The following TSPAN18 variants were observed in gnomAD, a reference collection of about 807,000 sequenced individuals.
The protein encoded by TSPAN18 is tetraspanin-18.
A neutral mutation model predicts 27.3 loss-of-function variants in TSPAN18; 14 were observed. That is an observed-to-expected ratio of 0.51 (90% CI 0.34 to 0.80). TSPAN18 has a LOEUF of 0.80. TSPAN18 is among the 30% of genes least tolerant of loss of function. The pLI is 0.01. For missense variants in TSPAN18, 268 were observed against 323.9 expected (o/e 0.83, Z 1.32); for synonymous variants, 143 against 136.5 (o/e 1.05, Z -0.33).
intron 6 of TSPAN18, 93 bp from the exon 7 acceptor site, chr11:44,919,121 C>T: frequency 9.6e-7 from 1 of 1,042,110 alleles, no homozygotes; most frequent in Non-Finnish European, 1.5e-6. Context: ...CTCTCATTCC[C>T]CCAACTCCCA....
intron 2 of TSPAN18, among the ~76,000 whole-genome samples, chr11:44,790,283 T>C (rs755398733): frequency 6.7e-6 from 1 of 148,664 alleles, no homozygotes; most frequent in Non-Finnish European, 1.5e-5. Context: ...GTGCATGTGT[T>C]CGTGTATGTG....
chr11:44,908,814 A>AAGGAAG (rs1554938130), intron 4 of TSPAN18, among the ~76,000 whole-genome samples: 6 of 114,778 alleles, frequency 5.2e-5, no homozygotes, highest in South Asian at 5.6e-4. Flanking sequence ...AAAGAAAGAA[A>AAGGAAG]GAAAGAAAGA....
intron 2 of TSPAN18, among the ~76,000 whole-genome samples, chr11:44,768,490 T>C (rs1855618961): frequency 6.7e-6 from 1 of 150,356 alleles, no homozygotes; most frequent in African/African-American, 2.4e-5. Flanking sequence ...TGTTCCAGGA[T>C]TTTTTTTTTG....
intron 2 of TSPAN18, among the ~76,000 whole-genome samples, chr11:44,824,124 G>A (rs7940207): frequency 0.05 from 7,650 of 152,264 alleles, 203 homozygotes; most frequent in African/African-American, 0.071. Context: ...AGGGTTTGGA[G>A]TTCAGGCCTT....
At chr11:44,876,779 T>C (rs1476886552) in intron 3 of TSPAN18, among the ~76,000 whole-genome samples, 1 of 152,270 alleles carries the variant, frequency 6.6e-6, no homozygotes, top group Non-Finnish European at 1.5e-5. Flanking sequence ...TCTTTGGTAC[T>C]GCTTCAGCTT....
intron 2 of TSPAN18, among the ~76,000 whole-genome samples, chr11:44,790,918 A>T (rs1397718486): frequency 6.6e-6 from 1 of 152,142 alleles, no homozygotes; most frequent in African/African-American, 2.4e-5. Flanking sequence ...CCTCTTGTGG[A>T]TCCCCTCAGG....
intron 2 of TSPAN18, among the ~76,000 whole-genome samples, chr11:44,818,058 T>G (rs1369933607): frequency 6.6e-6 from 1 of 152,226 alleles, no homozygotes; most frequent in Non-Finnish European, 1.5e-5. Context: ...AGTTCTGATT[T>G]TTTTCCATGT....
intron 3 of TSPAN18, among the ~76,000 whole-genome samples, chr11:44,864,257 A>G: frequency 7.3e-6 from 1 of 137,214 alleles, no homozygotes; most frequent in East Asian, 2.1e-4. Context: ...ACTGCACTCC[A>G]GCCTGGGTGA....
chr11:44,808,093 G>A (rs932014063), intron 2 of TSPAN18, among the ~76,000 whole-genome samples: 6 of 152,164 alleles, frequency 3.9e-5, no homozygotes, highest in African/African-American at 1.4e-4. Context: ...GGAAGCTTTG[G>A]TTTGATTTTT....
At chr11:44,768,869 G>A (rs1321700388) in intron 2 of TSPAN18, among the ~76,000 whole-genome samples, 1 of 146,484 alleles carries the variant, frequency 6.8e-6, no homozygotes, top group Non-Finnish European at 1.5e-5. Flanking sequence ...TTAGATTGTT[G>A]ATATGATGGA....
chr11:44,895,464 C>T lies in TSPAN18; in HGVS notation c.-10-10943C>T, dbSNP rs1030630246. ...CTGGCCAAGGCAGAAACCAACCCAG[C>T]CTCTGCAGAAGCATCAGTGATGGGG... is the stretch of plus-strand genomic sequence containing the variant. On this transcript the variant is annotated intron_variant, in intron 3 of 9. Transcript: ENST00000520358. Among the ~76,000 whole-genome samples the T allele has an allele frequency of 2.6e-5, 4 of 152,232 alleles. No individual in the cohort carries two copies. In the South Asian group the frequency reaches 8.3e-4, roughly 32 times the overall value.
intron 5 of TSPAN18, among the ~76,000 whole-genome samples, chr11:44,916,899 C>G (rs1051194963): frequency 2.0e-5 from 3 of 152,208 alleles, no homozygotes; most frequent in Non-Finnish European, 4.4e-5. Context: ...GTCAAGGGCA[C>G]CAGCTATGCT....
chr11:44,767,192 GAGCT>G lies in TSPAN18; in HGVS notation c.-153+2682_-153+2685del, dbSNP rs759360142. On this transcript the variant is annotated intron_variant, in intron 2 of 9. Coordinates refer to ENST00000520358, the MANE Select transcript of TSPAN18 (RefSeq NM_130783.5). ...CCCTGTCCTGATGTGCTATCACTTG[GAGCT>G]ACCTCAAGTATGAGCAGTTCATCCC... 6.6e-5 allele frequency among the ~76,000 whole-genome samples: 10 copies of G among 152,300 alleles called. No homozygotes were observed. In the South Asian group the frequency reaches 1.9e-3, roughly 28 times the overall value.
intron 3 of TSPAN18, chr11:44,903,876 A>T (rs1338863639): frequency 2.2e-6 from 1 of 456,558 alleles, no homozygotes; most frequent in East Asian, 6.9e-5. Context: ...CCTCTGTCTG[A>T]CTCAGTTTCC....
At chr11:44,884,101 C>G (rs1858570022) in intron 3 of TSPAN18, among the ~76,000 whole-genome samples, 1 of 152,154 alleles carries the variant, frequency 6.6e-6, no homozygotes, top group African/African-American at 2.4e-5. Flanking sequence ...CTCTCTGCCC[C>G]AGGTCTGCCC....
At chr11:44,852,214 C>G (rs941406376) in intron 2 of TSPAN18, among the ~76,000 whole-genome samples, 1 of 152,198 alleles carries the variant, frequency 6.6e-6, no homozygotes, top group East Asian at 1.9e-4. Flanking sequence ...ATAACAACAA[C>G]AAAATAGCTA....
intron 2 of TSPAN18, among the ~76,000 whole-genome samples, chr11:44,788,399 G>T (rs1167663561): frequency 6.6e-6 from 1 of 151,812 alleles, no homozygotes; most frequent in Admixed American, 6.6e-5. Flanking sequence ...AGGCACACGT[G>T]ACTAGTGGCT....
At chr11:44,755,418 C>T (rs776023617) in intron 1 of TSPAN18, among the ~76,000 whole-genome samples, 54 of 152,078 alleles carry the variant, frequency 3.6e-4, no homozygotes, top group East Asian at 7.8e-4. Context: ...AGTGACAGGA[C>T]GAGCAGGTGG....
chr11:44,931,179 G>A lies in TSPAN18; in HGVS notation c.*2001G>A, dbSNP rs562694066. 177 of 336,436 alleles carry A rather than the reference G, an allele frequency of 5.3e-4. 1 individual carries two copies. Among genetic ancestry groups the A allele is most frequent in the Middle Eastern group, 3.2e-3 (3 of 924 alleles). 20.8% of individuals were successfully genotyped at this position (336,436 alleles called of 1,614,324 possible). On this transcript the variant is annotated 3_prime_UTR_variant, in exon 10 of 10. Coordinates refer to ENST00000520358, the MANE Select transcript of TSPAN18 (RefSeq NM_130783.5). ...ACCCCATAAATGACACCTGAGGTCC[G>A]TAGAAGCTAAGCTCCTGAGACCCAG... is the stretch of plus-strand genomic sequence containing the variant.
Sources: allele counts gnomAD v4.1 joint callset (sites outside exome capture counted in the v4.1 genomes callset), GRCh38; gene constraint gnomAD v4.1.1; transcripts MANE v1.5; gene names NCBI Gene and HGNC (gene_info 2026-07-23, HGNC 2026-07-21).